Variants in SLC9C1 observed in about 807,000 individuals in gnomAD.
SLC9C1 encodes sodium/hydrogen exchanger 10.
A neutral mutation model predicts 140.9 loss-of-function variants in SLC9C1; 97 were observed. The ratio of observed to expected loss-of-function variants is 0.69; its 90% CI spans 0.58 to 0.82. The LOEUF (loss-of-function observed/expected upper bound fraction) is 0.82. Ranked by LOEUF, SLC9C1 falls within the 40% of genes least tolerant of loss-of-function variation. The pLI is 0.00. For synonymous variants in SLC9C1, 440 were observed against 442.6 expected (o/e 0.99, Z 0.07); for missense variants, 1,340 against 1,389.3 (o/e 0.96, Z 0.56).
At chr3:112,280,321 C>T (rs1304703896) in intron 3 of SLC9C1, among the ~76,000 whole-genome samples, 1 of 152,206 alleles carries the variant, frequency 6.6e-6, no homozygotes, top group Non-Finnish European at 1.5e-5. Context: ...ATTTTTGCTA[C>T]TCAAGTCCTG....
rs533941332 is a variant in SLC9C1 at position 112,275,026 on chromosome 3, C to T, written c.485-1G>A. ...AAACTGATGAGGCTTCTAGAAAGCCCTACATATGTTGAGGGGGAAAGATGT... is the reference window on the plus strand; with the variant it reads ...AAACTGATGAGGCTTCTAGAAAGCCTTACATATGTTGAGGGGGAAAGATGT... On this transcript the variant is annotated splice_acceptor_variant, in intron 5 of 28. Transcript: ENST00000305815. LOFTEE classifies it high-confidence loss of function. The T allele has an allele frequency of 1.9e-6, 3 of 1,555,824 alleles. No homozygotes were observed. Among genetic ancestry groups the T allele is most frequent in the Admixed American group, 2.2e-5 (1 of 44,546 alleles).
intron 2 of SLC9C1, among the ~76,000 whole-genome samples, chr3:112,283,403 C>A (rs2080411952): frequency 6.6e-6 from 1 of 151,088 alleles, no homozygotes; most frequent in Non-Finnish European, 1.5e-5. Context: ...GGATCACTTG[C>A]ACCCGAGGTT....
At chr3:112,235,602 G>A (rs1158552253) in intron 12 of SLC9C1, among the ~76,000 whole-genome samples, 1 of 151,768 alleles carries the variant, frequency 6.6e-6, no homozygotes, top group African/African-American at 2.4e-5. Context: ...TATGATATTG[G>A]CTGTGGGTTT....
intron 20 of SLC9C1, among the ~76,000 whole-genome samples, chr3:112,198,648 C>T (rs760551116): frequency 6.6e-5 from 10 of 151,710 alleles, no homozygotes; most frequent in Non-Finnish European, 1.3e-4. Flanking sequence ...TAAATTTTAT[C>T]AAATAGTTTT....
chr3:112,273,791 G>A (rs1049238334), intron 6 of SLC9C1, among the ~76,000 whole-genome samples: 7 of 152,058 alleles, frequency 4.6e-5, no homozygotes, highest in African/African-American at 9.7e-5. Flanking sequence ...GAGGGGAGGC[G>A]GGGAGTAGAA....
chr3:112,275,579 G>C (rs200723802), intron 5 of SLC9C1, among the ~76,000 whole-genome samples: 6 of 139,470 alleles, frequency 4.3e-5, no homozygotes, highest in African/African-American at 1.6e-4. Context: ...TTAAATGTCT[G>C]TTGTCCTTTT....
At chr3:112,239,592 G>A (rs1364753305) in intron 12 of SLC9C1, among the ~76,000 whole-genome samples, 1 of 152,086 alleles carries the variant, frequency 6.6e-6, no homozygotes, top group East Asian at 1.9e-4. Context: ...TGGCCATCTT[G>A]GAACCATGCC....
At chr3:112,232,942 C>T (rs1477741889) in intron 12 of SLC9C1, among the ~76,000 whole-genome samples, 1 of 151,168 alleles carries the variant, frequency 6.6e-6, no homozygotes, top group Non-Finnish European at 1.5e-5. Flanking sequence ...TGCTTAGATA[C>T]ACAATAGCCT....
At chr3:112,281,781 C>T (rs976047289) in intron 2 of SLC9C1, among the ~76,000 whole-genome samples, 2 of 152,028 alleles carry the variant, frequency 1.3e-5, no homozygotes, top group Non-Finnish European at 2.9e-5. Flanking sequence ...AAAATTGAAG[C>T]AAGAACAAAC....
intron 28 of SLC9C1, among the ~76,000 whole-genome samples, chr3:112,143,477 T>C (rs943468712): frequency 3.3e-5 from 5 of 152,182 alleles, no homozygotes; most frequent in African/African-American, 1.2e-4. Flanking sequence ...GATTTGCATT[T>C]CTCTAATGAT....
At chr3:112,161,399 T>C (rs896532373) in intron 26 of SLC9C1, among the ~76,000 whole-genome samples, 1 of 152,226 alleles carries the variant, frequency 6.6e-6, no homozygotes, top group Non-Finnish European at 1.5e-5. Flanking sequence ...TTTTTATGGT[T>C]TTAGGTCTAA....
chr3:112,262,886 T>C, intron 10 of SLC9C1, 38 bp downstream of exon 10: 1 of 1,488,770 alleles, frequency 6.7e-7, no homozygotes, highest in Non-Finnish European at 8.9e-7. Context: ...GTAATAGTTT[T>C]ATACAATATT....
At chr3:112,165,824 G>A (rs2077118224) in intron 26 of SLC9C1, among the ~76,000 whole-genome samples, 1 of 152,236 alleles carries the variant, frequency 6.6e-6, no homozygotes, top group South Asian at 2.1e-4. Context: ...TAAGTCTGCA[G>A]AGGATTCTGC....
At chr3:112,266,388 G>T in intron 7 of SLC9C1, 48 bp from the exon 8 acceptor site, 2 of 1,407,856 alleles carry the variant, frequency 1.4e-6, no homozygotes, top group Non-Finnish European at 1.9e-6. Context: ...AACATCAACA[G>T]CAGCACAAAT....
chr3:112,271,393 GTA>G (rs57918598), intron 6 of SLC9C1, among the ~76,000 whole-genome samples: 31 of 125,436 alleles, frequency 2.5e-4, no homozygotes, highest in Admixed American at 2.6e-4. Context: ...ATTCTACATT[GTA>G]TATATATATA....
intron 28 of SLC9C1, among the ~76,000 whole-genome samples, chr3:112,150,810 A>AC (rs2074942926): frequency 7.6e-5 from 3 of 39,674 alleles, no homozygotes; most frequent in African/African-American, 4.0e-4. Context: ...ATATATATAT[A>AC]AATACATATA....
chr3:112,221,923 T>C (rs1438879174), intron 13 of SLC9C1, among the ~76,000 whole-genome samples: 1 of 152,152 alleles, frequency 6.6e-6, no homozygotes, highest in Non-Finnish European at 1.5e-5. Context: ...CTGAAATATA[T>C]TATGTGACCA....
At chr3:112,172,733 G>C (rs963744158) in intron 23 of SLC9C1, among the ~76,000 whole-genome samples, 7 of 151,958 alleles carry the variant, frequency 4.6e-5, no homozygotes. Flanking sequence ...TGAGTTTTTG[G>C]AGATTTTTTA....
intron 27 of SLC9C1, among the ~76,000 whole-genome samples, chr3:112,154,248 A>T (rs897063358): frequency 6.6e-6 from 1 of 152,192 alleles, no homozygotes; most frequent in African/African-American, 2.4e-5. Context: ...CTTCTGGAGC[A>T]ATATAAACAA....
Sources: gnomAD v4.1 joint callset for allele counts (sites outside exome capture counted in the v4.1 genomes callset) on GRCh38, gnomAD v4.1.1 for gene constraint, MANE v1.5 for transcripts, NCBI Gene and HGNC (gene_info 2026-07-23, HGNC 2026-07-21) for gene names.